STPG2: variants seen among roughly 807,000 people sequenced by gnomAD.
STPG2 encodes the protein sperm tail PG-rich repeat containing 2, also known as sperm-tail PG-rich repeat-containing protein 2.
STPG2 carries 56 observed loss-of-function variants against 54.2 expected under a neutral mutation model. That is an observed-to-expected ratio of 1.03 (90% CI 0.83 to 1.29). STPG2 has a LOEUF of 1.29. Among genes scored for constraint, STPG2 ranks in the 50% most tolerant of loss-of-function variants. STPG2 has a pLI of 0.00. For synonymous variants in STPG2, 200 were observed against 181.8 expected, an observed-to-expected ratio of 1.10 and a Z score of -0.81; for missense variants, 596 against 544.9, an observed-to-expected ratio of 1.09 and a Z score of -0.93.
intron 7 of STPG2, among the ~76,000 whole-genome samples, chr4:97,949,077 A>C (rs1419130635): frequency 6.6e-6 from 1 of 152,086 alleles, no homozygotes; most frequent in African/African-American, 2.4e-5. Context: ...AATTGTTTTA[A>C]AAATCTGAGA....
chr4:97,861,794 A>G (rs1578632416), intron 8 of STPG2, among the ~76,000 whole-genome samples: 2 of 152,180 alleles, frequency 1.3e-5, no homozygotes, highest in South Asian at 4.1e-4. Flanking sequence ...AAGAATTTTC[A>G]ACCCAGAATT....
chr4:97,567,487 C>A (rs1047674450), intron 10 of STPG2, among the ~76,000 whole-genome samples: 3 of 150,402 alleles, frequency 2.0e-5, no homozygotes, highest in Admixed American at 1.3e-4. Flanking sequence ...TCCCCATAAT[C>A]TGACTTTCAG....
At chr4:97,786,073 T>TTA (rs1409647406) in intron 9 of STPG2, among the ~76,000 whole-genome samples, 3 of 152,056 alleles carry the variant, frequency 2.0e-5, no homozygotes, top group Non-Finnish European at 4.4e-5. Flanking sequence ...GCCACTTTAA[T>TTA]AAGTTTTGAC....
chr4:97,953,644 C>T (rs1008336233), intron 7 of STPG2, among the ~76,000 whole-genome samples: 1 of 152,204 alleles, frequency 6.6e-6, no homozygotes, highest in African/African-American at 2.4e-5. Context: ...TTTCATATTC[C>T]CCATTGCTCC....
intron 5 of STPG2, among the ~76,000 whole-genome samples, chr4:97,992,671 C>A (rs1218211123): frequency 1.3e-5 from 2 of 152,064 alleles, no homozygotes; most frequent in African/African-American, 4.8e-5. Context: ...TGCATTGAAT[C>A]TGTAGATTGC....
At chr4:97,518,636 AC>A (rs1372338864) in intron 4 of STPG2, among the ~76,000 whole-genome samples, 2 of 152,136 alleles carry the variant, frequency 1.3e-5, no homozygotes, top group African/African-American at 4.8e-5. Flanking sequence ...ATTGGTAAAT[AC>A]GATCCATTCA....
At chr4:97,794,442 C>A (rs1423604414) in intron 9 of STPG2, among the ~76,000 whole-genome samples, 1 of 152,046 alleles carries the variant, frequency 6.6e-6, no homozygotes, top group Non-Finnish European at 1.5e-5. Context: ...CACTTGAAAT[C>A]TATTGCAATT....
chr4:97,727,178 A>G (rs1311932549), intron 9 of STPG2, among the ~76,000 whole-genome samples: 2 of 151,870 alleles, frequency 1.3e-5, no homozygotes, highest in Non-Finnish European at 3.0e-5. Context: ...ATGTAGAATT[A>G]TGTAAATAAG....
chr4:97,993,608 T>A (rs1481322248), intron 5 of STPG2, among the ~76,000 whole-genome samples: 2 of 152,034 alleles, frequency 1.3e-5, no homozygotes, highest in African/African-American at 4.8e-5. Context: ...CTTCATAGAA[T>A]AATTGTTGGA....
At chr4:97,456,867 C>T (rs189416965) in intron 4 of STPG2, among the ~76,000 whole-genome samples, 1,644 of 133,740 alleles carry the variant, frequency 0.012, 32 homozygotes, top group African/African-American at 0.052. Flanking sequence ...CGCACTCCAG[C>T]CTGGGTAACA....
chr4:97,719,273 G>A (rs1436119329), intron 9 of STPG2, among the ~76,000 whole-genome samples: 1 of 151,862 alleles, frequency 6.6e-6, no homozygotes, highest in Non-Finnish European at 1.5e-5. Flanking sequence ...CTTTAGAAAT[G>A]TTACTCCACT....
At chr4:98,016,913 A>T (rs1205456740) in intron 5 of STPG2, among the ~76,000 whole-genome samples, 5 of 152,190 alleles carry the variant, frequency 3.3e-5, no homozygotes, top group Non-Finnish European at 5.9e-5. Flanking sequence ...AGCAGGGAAC[A>T]TCCATCATTA....
chr4:98,088,407 G>A (rs887828181), intron 5 of STPG2, among the ~76,000 whole-genome samples: 1 of 151,968 alleles, frequency 6.6e-6, no homozygotes, highest in African/African-American at 2.4e-5. Context: ...TTTCCTGTAT[G>A]TGATGTATGT....
At chr4:97,850,424 G>A (rs910283981) in intron 8 of STPG2, among the ~76,000 whole-genome samples, 2 of 151,302 alleles carry the variant, frequency 1.3e-5, no homozygotes, top group Non-Finnish European at 2.9e-5. Flanking sequence ...AAATACCAAC[G>A]TATTATTTCC....
At chr4:97,693,673 A>G (rs187152732) in intron 10 of STPG2, among the ~76,000 whole-genome samples, 137 of 152,322 alleles carry the variant, frequency 9.0e-4, no homozygotes, top group African/African-American at 3.2e-3. Context: ...AACTTAACAG[A>G]TATTTATACA....
At chr4:98,091,055 T>C (rs2110126358) in intron 5 of STPG2, among the ~76,000 whole-genome samples, 1 of 152,082 alleles carries the variant, frequency 6.6e-6, no homozygotes, top group South Asian at 2.1e-4. Flanking sequence ...TTACCTAGTA[T>C]TCTAAGCAAA....
intron 7 of STPG2, among the ~76,000 whole-genome samples, chr4:97,965,372 C>A (rs1229782735): frequency 6.6e-6 from 1 of 152,208 alleles, no homozygotes; most frequent in Non-Finnish European, 1.5e-5. Context: ...TGCAGCTCAG[C>A]AAGGCCTACT....
At chr4:97,495,803 T>C (rs1291232157) in intron 4 of STPG2, among the ~76,000 whole-genome samples, 1 of 150,846 alleles carries the variant, frequency 6.6e-6, no homozygotes, top group African/African-American at 2.4e-5. Flanking sequence ...ACATAAGAAG[T>C]TTGGTAAAAT....
intron 8 of STPG2, among the ~76,000 whole-genome samples, chr4:97,938,461 G>A (rs1732843842): frequency 1.3e-5 from 2 of 152,344 alleles, no homozygotes; most frequent in South Asian, 2.1e-4. Flanking sequence ...GACTAAGTCA[G>A]AAGGCTTAGA....
Sources: allele counts gnomAD v4.1 joint callset (sites outside exome capture counted in the v4.1 genomes callset), GRCh38; gene constraint gnomAD v4.1.1; transcripts MANE v1.5; gene names NCBI Gene and HGNC (gene_info 2026-07-23, HGNC 2026-07-21).